Variants in CAMKMT observed in about 807,000 individuals in gnomAD.
CAMKMT encodes the protein calmodulin-lysine N-methyltransferase.
A neutral mutation model predicts 48.0 loss-of-function variants in CAMKMT; 53 were observed. The observed-to-expected ratio is 1.10, with a 90% CI of 0.89 to 1.39. The LOEUF is 1.39. CAMKMT is among the 40% of genes most tolerant of loss of function. CAMKMT has a pLI of 0.00. For missense variants in CAMKMT, 428 were observed against 402.7 expected (o/e 1.06, Z -0.54); for synonymous variants, 165 against 152.3 (o/e 1.08, Z -0.61).
rs142491404 is a variant in CAMKMT at position 44,532,169 on chromosome 2, A to C, written c.376+141864A>C. ...AGTCGTTATTAAAATGCTACTTACA[A>C]TGTAGAGAGAGGCTGGCTATTTGCT... On this transcript the variant is annotated intron_variant, in intron 3 of 10. Transcript: ENST00000378494. Among the ~76,000 whole-genome samples the C allele has an allele frequency of 1.2e-3, 184 of 152,328 alleles. 2 individuals carry two copies. Among genetic ancestry groups the C allele is most frequent in the African/African-American group, 4.1e-3 (171 of 41,576 alleles).
chr2:44,363,999 C>T (rs994082473), intron 1 of CAMKMT, among the ~76,000 whole-genome samples: 1 of 146,696 alleles, frequency 6.8e-6, no homozygotes, highest in African/African-American at 2.5e-5. Context: ...ACGCCCACCG[C>T]CCCCACCCTT....
intron 7 of CAMKMT, among the ~76,000 whole-genome samples, chr2:44,740,214 G>C (rs1417200877): frequency 1.4e-5 from 2 of 145,646 alleles, no homozygotes; most frequent in Non-Finnish European, 3.0e-5. Context: ...CTGCAGCCTT[G>C]ACTTCCTGGG....
At chr2:44,698,979 C>T (rs191314915) in intron 3 of CAMKMT, among the ~76,000 whole-genome samples, 3 of 152,270 alleles carry the variant, frequency 2.0e-5, no homozygotes, top group South Asian at 2.1e-4. Context: ...TTTACCCGTG[C>T]GTAAGAAGGA....
intron 3 of CAMKMT, among the ~76,000 whole-genome samples, chr2:44,629,973 T>C (rs1672721477): frequency 6.6e-6 from 1 of 151,856 alleles, no homozygotes; most frequent in Admixed American, 6.6e-5. Context: ...GCCAGAGGCA[T>C]CACACTACCT....
chr2:44,575,530 C>A (rs913716816), intron 3 of CAMKMT, among the ~76,000 whole-genome samples: 6 of 152,124 alleles, frequency 3.9e-5, no homozygotes, highest in Non-Finnish European at 7.3e-5. Flanking sequence ...AAACATGACA[C>A]CCTTACAGAT....
chr2:44,514,968 A>G (rs1156361454), intron 3 of CAMKMT, among the ~76,000 whole-genome samples: 2 of 152,232 alleles, frequency 1.3e-5, no homozygotes, highest in Non-Finnish European at 2.9e-5. Context: ...AGGGAACTGC[A>G]TAGCCTCTGA....
rs547342457 is a variant in CAMKMT, at chr2:44,703,771, TAA to T, written c.377-490_377-489del. Among the ~76,000 whole-genome samples, 443 of 84,078 alleles carry T rather than the reference TAA, an allele frequency of 5.3e-3. 2 individuals carry two copies. The highest frequency in any genetic ancestry group is 0.018 in the African/African-American group (400 of 22,386). The allele number at this position is 84,078 out of a possible 152,430, so 55.2% of individuals were successfully genotyped here. On this transcript the variant is annotated intron_variant, in intron 3 of 10. Transcript: ENST00000378494. ...CCAGCCTGGCGACAGAGCAAGACTC[TAA>T]AAAAAAAAAAAAAAAAAAAAAGACA...
chr2:44,405,524 C>G (rs1246633561), intron 3 of CAMKMT, among the ~76,000 whole-genome samples: 3 of 151,876 alleles, frequency 2.0e-5, no homozygotes, highest in African/African-American at 7.2e-5. Context: ...ATCAAAGTTG[C>G]TTATTTTAGG....
At chr2:44,643,043 C>A (rs868276830) in intron 3 of CAMKMT, among the ~76,000 whole-genome samples, 1 of 152,092 alleles carries the variant, frequency 6.6e-6, no homozygotes, top group African/African-American at 2.4e-5. Flanking sequence ...TGACAGGAAA[C>A]ACATACATAG....
At chr2:44,741,959 A>C (rs1463275138) in intron 7 of CAMKMT, among the ~76,000 whole-genome samples, 1 of 152,210 alleles carries the variant, frequency 6.6e-6, no homozygotes, top group East Asian at 1.9e-4. Flanking sequence ...ATTATGAGTA[A>C]TTTTAATACT....
At chr2:44,762,296 T>C (rs1440396864) in intron 9 of CAMKMT, among the ~76,000 whole-genome samples, 1 of 152,222 alleles carries the variant, frequency 6.6e-6, no homozygotes, top group African/African-American at 2.4e-5. Context: ...AAGAGCAGCC[T>C]GGGCAGCATA....
At chr2:44,429,589 C>G (rs964439492) in intron 3 of CAMKMT, among the ~76,000 whole-genome samples, 3 of 151,896 alleles carry the variant, frequency 2.0e-5, no homozygotes, top group African/African-American at 7.3e-5. Context: ...AGAATAAGGT[C>G]AGGAGATCGA....
intron 3 of CAMKMT, among the ~76,000 whole-genome samples, chr2:44,600,998 A>T (rs370073927): frequency 1.3e-5 from 2 of 152,096 alleles, no homozygotes; most frequent in African/African-American, 4.8e-5. Context: ...GGTTTCTGTC[A>T]TATCCTAAAT....
At chr2:44,555,242 G>T (rs1368117034) in intron 3 of CAMKMT, among the ~76,000 whole-genome samples, 1 of 152,220 alleles carries the variant, frequency 6.6e-6, no homozygotes. Context: ...AGAGGCTGTT[G>T]ACATGGTTCA....
intron 3 of CAMKMT, among the ~76,000 whole-genome samples, chr2:44,672,627 C>T (rs534015518): frequency 6.6e-6 from 1 of 152,230 alleles, no homozygotes; most frequent in East Asian, 1.9e-4. Context: ...AGAGACTATG[C>T]CCCGGGAGTA....
intron 3 of CAMKMT, among the ~76,000 whole-genome samples, chr2:44,575,726 G>T (rs1669180029): frequency 6.6e-6 from 1 of 151,740 alleles, no homozygotes; most frequent in Admixed American, 6.6e-5. Flanking sequence ...GCAAAAATTA[G>T]CTTGGCATTA....
intron 3 of CAMKMT, among the ~76,000 whole-genome samples, chr2:44,581,028 A>T (rs1255633055): frequency 6.6e-6 from 1 of 151,836 alleles, no homozygotes; most frequent in African/African-American, 2.4e-5. Context: ...ATGACAGAGC[A>T]CTCTGTATTA....
At chr2:44,429,965 C>T (rs1684548811) in intron 3 of CAMKMT, among the ~76,000 whole-genome samples, 1 of 151,788 alleles carries the variant, frequency 6.6e-6, no homozygotes, top group South Asian at 2.1e-4. Flanking sequence ...ACAAAAATCT[C>T]TAAATGATAA....
At chr2:44,723,833 G>T (rs974460274) in intron 7 of CAMKMT, 1 of 152,010 alleles carries the variant, frequency 6.6e-6, no homozygotes, top group African/African-American at 2.4e-5. Flanking sequence ...ATTTCATTGA[G>T]ACCTAATTTT....
Sources: allele counts gnomAD v4.1 joint callset (sites outside exome capture counted in the v4.1 genomes callset), GRCh38; gene constraint gnomAD v4.1.1; transcripts MANE v1.5; gene names NCBI Gene and HGNC (gene_info 2026-07-23, HGNC 2026-07-21).